TTC7A: variants seen among roughly 807,000 people sequenced by gnomAD.
The protein encoded by TTC7A is tetratricopeptide repeat protein 7A.
TTC7A carries 110 observed loss-of-function variants against 103.7 expected under a neutral mutation model. The observed-to-expected ratio is 1.06, with a 90% CI of 0.91 to 1.24. The LOEUF (loss-of-function observed/expected upper bound fraction) is 1.24. Ranked by LOEUF, TTC7A falls within the 50% of genes most tolerant of loss-of-function variation. The probability of loss-of-function intolerance (pLI) is 0.00; values close to 1 mark genes in which losing one functional copy is unlikely to be tolerated. For missense variants in TTC7A, 1,340 were observed against 1,116.3 expected (o/e 1.20, Z -2.86); for synonymous variants, 521 against 467.9 (o/e 1.11, Z -1.47).
At chr2:47,011,507 T>A in intron 11 of TTC7A, 72 bp downstream of exon 11, 2 of 1,202,510 alleles carry the variant, frequency 1.7e-6, no homozygotes, top group Non-Finnish European at 2.4e-6. Context: ...TGTGCACGTC[T>A]TGACGTGTAT....
At chr2:46,985,065 C>T (rs905754236) in intron 5 of TTC7A, among the ~76,000 whole-genome samples, 10 of 152,176 alleles carry the variant, frequency 6.6e-5, no homozygotes, top group African/African-American at 2.4e-4. Flanking sequence ...GTGCTGAGGC[C>T]ACGCATGAGG....
chr2:47,050,380 G>A, intron 17 of TTC7A: 1 of 286,974 alleles, frequency 3.5e-6, no homozygotes, highest in Non-Finnish European at 6.8e-6. Context: ...GTCCTTGGCA[G>A]ATCAAGTCAA....
At chr2:46,969,347 C>CA (rs1474498061) in intron 3 of TTC7A, among the ~76,000 whole-genome samples, 1 of 151,946 alleles carries the variant, frequency 6.6e-6, no homozygotes, top group African/African-American at 2.4e-5. Flanking sequence ...ACTAAAAATA[C>CA]AAAAACAAAA....
intron 8 of TTC7A, chr2:46,999,722 A>G: frequency 2.0e-6 from 2 of 985,440 alleles, no homozygotes; most frequent in Non-Finnish European, 2.4e-6. Context: ...CAGCTGGGGA[A>G]CTAGGAGATA....
At chr2:46,935,625 T>C (rs1241785337) in intron 2 of TTC7A, among the ~76,000 whole-genome samples, 3 of 152,106 alleles carry the variant, frequency 2.0e-5, no homozygotes, top group African/African-American at 7.2e-5. Flanking sequence ...AGCATTCAAT[T>C]ATTGAGGCCC....
At chr2:47,033,754 C>A (rs780095434) in intron 15 of TTC7A, among the ~76,000 whole-genome samples, 4 of 152,142 alleles carry the variant, frequency 2.6e-5, no homozygotes, top group Non-Finnish European at 5.9e-5. Flanking sequence ...TGAAAGGTGG[C>A]AGTAGGGAGG....
chr2:46,918,386 G>A (rs138759685), intron 2 of TTC7A, among the ~76,000 whole-genome samples: 124 of 152,312 alleles, frequency 8.1e-4, no homozygotes, highest in African/African-American at 2.8e-3. Flanking sequence ...TCCAGTAGTA[G>A]ATGATGCTGC....
At chr2:47,022,067 T>A in intron 12 of TTC7A, 88 bp downstream of exon 12, 1 of 913,824 alleles carries the variant, frequency 1.1e-6, no homozygotes, top group Non-Finnish European at 1.7e-6. Context: ...CCGGCACCCC[T>A]CCCCTCAGGC....
chr2:46,916,008 C>G (rs538061788), upstream of TTC7A: 1 of 985,350 alleles, frequency 1.0e-6, no homozygotes, highest in Admixed American at 6.1e-5. Context: ...ACACTCGGCT[C>G]CACTCCAGTT....
intron 5 of TTC7A, among the ~76,000 whole-genome samples, chr2:46,989,955 T>C (rs6753628): frequency 0.79 from 120,404 of 152,082 alleles, 48,163 homozygotes; most frequent in African/African-American, 0.89. Flanking sequence ...TGAGCTCATT[T>C]GGCAATGCAG....
rs778430864 is a variant in TTC7A, at chr2:47,046,396, G to A, written c.1884G>A (p.Arg628=). The change falls in exon 16 of 20, where the codon AGG becomes AGA. Residue 628 remains arginine, a synonymous_variant. Transcript: ENST00000319190. The part of the protein sequence containing the change: ...EALVTCRQVL[R]LWQTLYSFSQ... ...TCGTGACCTGCAGACAAGTGCTGAG[G>A]CTGTGGCAGACCCTGTACAGCTTCT... is the stretch of plus-strand genomic sequence containing the variant. 1 of 1,614,098 alleles carries A rather than the reference G, an allele frequency of 6.2e-7. No homozygotes were observed. Among genetic ancestry groups the A allele is most frequent in the African/African-American group, 1.3e-5 (1 of 74,948 alleles).
intron 1 of TTC7A, among the ~76,000 whole-genome samples, chr2:46,943,970 G>A (rs144228752): frequency 6.0e-4 from 91 of 152,312 alleles, no homozygotes; most frequent in African/African-American, 2.1e-3. Context: ...GATCTGGAGG[G>A]ATGAAAGATC....
chr2:47,070,939 G>C (rs1256588232), intron 19 of TTC7A, among the ~76,000 whole-genome samples: 2 of 152,176 alleles, frequency 1.3e-5, no homozygotes, highest in Admixed American at 6.5e-5. Flanking sequence ...AGCAGATCTG[G>C]TCTCCTCTCT....
intron 11 of TTC7A, among the ~76,000 whole-genome samples, chr2:47,013,225 C>T (rs1212070957): frequency 3.3e-5 from 5 of 152,196 alleles, no homozygotes; most frequent in Non-Finnish European, 7.3e-5. Flanking sequence ...CAGGCCCTTG[C>T]ATCACAGCTT....
upstream of TTC7A, among the ~76,000 whole-genome samples, chr2:46,940,428 C>G (rs368584244): frequency 2.0e-3 from 308 of 152,298 alleles, 3 homozygotes; most frequent in South Asian, 0.027. This position sits in a 1 kb window ranked among gnomAD's most constrained non-coding sequence, Gnocchi z 4.7. Context: ...AGGTCTCCCC[C>G]CAAGGGTGGA....
chr2:47,026,322 C>T (rs1173220214), intron 14 of TTC7A, among the ~76,000 whole-genome samples: 3 of 152,208 alleles, frequency 2.0e-5, no homozygotes, highest in African/African-American at 7.2e-5. Flanking sequence ...CTTAGGGCCA[C>T]CGACAAGCCG....
chr2:46,961,543 C>T (rs1306719320), intron 3 of TTC7A, among the ~76,000 whole-genome samples: 1 of 149,858 alleles, frequency 6.7e-6, no homozygotes, highest in Non-Finnish European at 1.5e-5. Context: ...CACCACTGCA[C>T]TCCAACCTGG....
intron 11 of TTC7A, among the ~76,000 whole-genome samples, chr2:47,018,388 C>A (rs959798838): frequency 6.6e-6 from 1 of 151,460 alleles, no homozygotes; most frequent in African/African-American, 2.4e-5. Flanking sequence ...TTCGAGACCA[C>A]CCAGGGCAAC....
intron 15 of TTC7A, among the ~76,000 whole-genome samples, chr2:47,040,743 G>T (rs1354656016): frequency 6.6e-6 from 1 of 152,198 alleles, no homozygotes; most frequent in Non-Finnish European, 1.5e-5. Flanking sequence ...CTACTTAGAG[G>T]TCATCACAGT....
Sources: gnomAD v4.1 joint callset for allele counts (sites outside exome capture counted in the v4.1 genomes callset) on GRCh38, gnomAD v4.1.1 for gene constraint, Gnocchi (gnomAD v3.1) non-coding constraint, MANE v1.5 for transcripts, NCBI Gene and HGNC (gene_info 2026-07-23, HGNC 2026-07-21) for gene names.